Variants in CDKN2B-AS1 observed in about 807,000 individuals in gnomAD.
CDKN2B-AS1 encodes the protein CDKN2B and CDKN2A antisense cis and trans regulatory RNA 1, also known as CDKN2B antisense RNA 1 (non-protein coding).
At chr9:22,024,870 C>T (rs1444323751) in intron 1 of CDKN2B-AS1, among the ~76,000 whole-genome samples, 1 of 152,176 alleles carries the variant, frequency 6.6e-6, no homozygotes, top group Non-Finnish European at 1.5e-5. Context: ...CCCACTGGTG[C>T]AGAAGCTATT....
chr9:22,108,935 C>T (rs560752253), intron 4 of CDKN2B-AS1, among the ~76,000 whole-genome samples: 17 of 151,860 alleles, frequency 1.1e-4, no homozygotes, highest in African/African-American at 3.9e-4. Flanking sequence ...AAAAACAAAA[C>T]AAAACAAAAT....
intron 1 of CDKN2B-AS1, among the ~76,000 whole-genome samples, chr9:22,015,272 T>G (rs1821693785): frequency 6.6e-6 from 1 of 152,152 alleles, no homozygotes; most frequent in Non-Finnish European, 1.5e-5. Context: ...CCAGCACCTG[T>G]TTTTTCCTGA....
At chr9:22,044,072 T>C (rs922781505) in intron 1 of CDKN2B-AS1, among the ~76,000 whole-genome samples, 2 of 151,990 alleles carry the variant, frequency 1.3e-5, no homozygotes, top group African/African-American at 4.8e-5. Context: ...ATCAGATAAA[T>C]ATGAGGCAAA....
chr9:22,031,642 G>C (rs1433800320), intron 1 of CDKN2B-AS1, among the ~76,000 whole-genome samples: 1 of 152,164 alleles, frequency 6.6e-6, no homozygotes, highest in Non-Finnish European at 1.5e-5. Flanking sequence ...AAAAATAAAA[G>C]ATGAAACAAA....
intron 1 of CDKN2B-AS1, among the ~76,000 whole-genome samples, chr9:22,013,529 G>T (rs866187648): frequency 6.6e-6 from 1 of 152,072 alleles, no homozygotes; most frequent in African/African-American, 2.4e-5. Flanking sequence ...AAGGGTCACT[G>T]CTGCCTCGAA....
At chr9:22,083,897 C>G (rs1216323717) in intron 4 of CDKN2B-AS1, among the ~76,000 whole-genome samples, 1 of 152,048 alleles carries the variant, frequency 6.6e-6, no homozygotes, top group Admixed American at 6.6e-5. Flanking sequence ...GTGGTGATGG[C>G]GCTATATATT....
chr9:22,095,286 C>A (rs1469204873), intron 4 of CDKN2B-AS1, among the ~76,000 whole-genome samples: 1 of 144,674 alleles, frequency 6.9e-6, no homozygotes, highest in African/African-American at 2.9e-5. Flanking sequence ...GGCAGTCTGT[C>A]CATTCTCAGA....
At chr9:22,050,898 C>A (rs974408118) in intron 3 of CDKN2B-AS1, among the ~76,000 whole-genome samples, 1 of 152,146 alleles carries the variant, frequency 6.6e-6, no homozygotes, top group Admixed American at 6.5e-5. Context: ...AGAGTCTGAT[C>A]AGCTCTGACA....
intron 4 of CDKN2B-AS1, among the ~76,000 whole-genome samples, chr9:22,090,854 G>A (rs1003074201): frequency 6.6e-6 from 1 of 152,074 alleles, no homozygotes; most frequent in African/African-American, 2.4e-5. Flanking sequence ...GTCAATTTTG[G>A]CTTTTGTTGC....
At chr9:22,122,060 A>ATTTT (rs35831924) in intron 4 of CDKN2B-AS1, among the ~76,000 whole-genome samples, 3 of 145,492 alleles carry the variant, frequency 2.1e-5, no homozygotes, top group Non-Finnish European at 4.5e-5. Flanking sequence ...AGCATTTGTT[A>ATTTT]TTTTTTTTTT....
At chr9:22,021,896 C>T (rs1401762937) in intron 1 of CDKN2B-AS1, among the ~76,000 whole-genome samples, 1 of 152,046 alleles carries the variant, frequency 6.6e-6, no homozygotes, top group Non-Finnish European at 1.5e-5. Flanking sequence ...TGATTTCTGC[C>T]TTAATTTGAT....
In CDKN2B-AS1 at chr9:22,052,314, A is replaced by C. The variant is rs77558538; in HGVS notation, n.302+3086A>C. The stretch of plus-strand genomic sequence containing the variant: ...AGCATAGCAGGCATTCAGTGAATGA[A>C]ATGAATGAATGAAAAGCTAGAGTCA... On this transcript the variant is annotated intron_variant and non_coding_transcript_variant, in intron 3 of 4. Coordinates refer to ENST00000650946, the Ensembl canonical transcript of CDKN2B-AS1. Among the ~76,000 whole-genome samples, 28 of 152,268 alleles carry C rather than the reference A, an allele frequency of 1.8e-4. No individual in the cohort carries two copies. In the East Asian group the frequency reaches 5.2e-3, roughly 28 times the overall value.
chr9:22,119,126 G>A (rs1443558562), intron 4 of CDKN2B-AS1: 1 of 151,660 alleles, frequency 6.6e-6, no homozygotes, highest in Non-Finnish European at 1.5e-5. Context: ...ATTCAATATG[G>A]GTGTAATAAC....
At chr9:22,069,134 G>A (rs868436424) in intron 4 of CDKN2B-AS1, among the ~76,000 whole-genome samples, 85 of 152,188 alleles carry the variant, frequency 5.6e-4, no homozygotes, top group African/African-American at 1.8e-3. Context: ...AAAATAATGC[G>A]TGGGAAATGG....
intron 4 of CDKN2B-AS1, among the ~76,000 whole-genome samples, chr9:22,126,574 C>CTTTTTTTTTTTTTTTTTTTTTTT (rs34700018): frequency 2.9e-5 from 3 of 104,882 alleles, no homozygotes; most frequent in African/African-American, 7.9e-5. Context: ...TAAGTGGATT[C>CTTTTTTTTTTTTTTTTTTTTTTT]TTTTTTTTTT....
chr9:22,076,216 C>T (rs200606788), intron 4 of CDKN2B-AS1, among the ~76,000 whole-genome samples: 2 of 152,018 alleles, frequency 1.3e-5, no homozygotes, highest in East Asian at 3.9e-4. Context: ...CCATGCCTAT[C>T]TTAATTTTTG....
chr9:22,053,554 T>A (rs768655147), intron 3 of CDKN2B-AS1, among the ~76,000 whole-genome samples: 1 of 152,212 alleles, frequency 6.6e-6, no homozygotes, highest in Non-Finnish European at 1.5e-5. Flanking sequence ...GTACCACTGA[T>A]AACTTGTTTT....
chr9:22,029,090 G>A, intron 1 of CDKN2B-AS1, among the ~76,000 whole-genome samples: 1 of 151,720 alleles, frequency 6.6e-6, no homozygotes. Flanking sequence ...GGTGGTGAAA[G>A]TCTTCTTTCT....
intron 4 of CDKN2B-AS1, among the ~76,000 whole-genome samples, chr9:22,079,203 G>T (rs1394879866): frequency 6.6e-6 from 1 of 152,232 alleles, no homozygotes; most frequent in African/African-American, 2.4e-5. Context: ...CTGAAAAGTG[G>T]CCGGGTGCAG....
Sources: allele counts gnomAD v4.1 joint callset (sites outside exome capture counted in the v4.1 genomes callset), GRCh38; gene constraint gnomAD v4.1.1; transcripts MANE v1.5; gene names NCBI Gene and HGNC (gene_info 2026-07-23, HGNC 2026-07-21).